Variants in STRADB observed in about 807,000 individuals in gnomAD.
The protein encoded by STRADB is STE20 related adaptor beta.
STRADB carries 34 observed loss-of-function variants against 52.1 expected under a neutral mutation model. The observed-to-expected ratio is 0.65, with a 90% confidence interval of 0.50 to 0.87. STRADB has a LOEUF of 0.87. Among genes scored for constraint, STRADB ranks in the 40% least tolerant of loss-of-function variants. The probability of loss-of-function intolerance (pLI) is 0.00; values close to 1 mark genes in which losing one functional copy is unlikely to be tolerated. For synonymous variants in STRADB, 133 were observed against 174.5 expected, an observed-to-expected ratio of 0.76 and a Z score of 1.87; for missense variants, 340 against 483.9, an observed-to-expected ratio of 0.70 and a Z score of 2.79.
rs1381533800 is a variant in STRADB, at chr2:201,451,838, A to C, written c.-196A>C. On this transcript the variant is annotated 5_prime_UTR_variant, in exon 1 of 12. Transcript: ENST00000194530. ...CGCGCCCCGCGCCGGGAGCGGGCCTAGAGCGCTCGCCTCGCCCCTCCGCGA... is the reference window on the plus strand; with the variant it reads ...CGCGCCCCGCGCCGGGAGCGGGCCTCGAGCGCTCGCCTCGCCCCTCCGCGA... The C allele has an allele frequency of 6.6e-6, 1 of 152,208 alleles. No homozygotes were observed. Among genetic ancestry groups the C allele is most frequent in the Non-Finnish European group, 1.5e-5 (1 of 68,216 alleles). 9.4% of individuals were successfully genotyped at this position (152,208 alleles called of 1,614,324 possible).
chr2:201,469,677 C>T (rs920067722), intron 3 of STRADB, among the ~76,000 whole-genome samples: 1 of 152,182 alleles, frequency 6.6e-6, no homozygotes, highest in African/African-American at 2.4e-5. Context: ...TTCTTCGCAA[C>T]TCCTAAACAT....
intron 3 of STRADB, among the ~76,000 whole-genome samples, chr2:201,459,926 C>G (rs756188532): frequency 2.6e-5 from 4 of 152,130 alleles, no homozygotes; most frequent in Non-Finnish European, 4.4e-5. Flanking sequence ...ATCTGTGAAG[C>G]CTTTCCACTT....
At position 201,473,030 on chromosome 2, in the gene STRADB, T is replaced by C; in HGVS notation, c.269T>C (p.Ile90Thr). 6.2e-7 allele frequency: 1 copy of C among 1,612,816 alleles called. No homozygotes were observed. The highest frequency in any genetic ancestry group is 1.3e-5 in the African/African-American group (1 of 74,922). ...ACAGGAACACTGGTAACTATAAAAA[T>C]TACAAATCTGGAAAACTGCAATGAA... Reference protein sequence around the residue: ...TPTGTLVTIKITNLENCNEER... With the variant: ...TPTGTLVTIKTTNLENCNEER... The change falls in exon 5 of 12, where the codon ATT becomes ACT. Residue 90 changes from isoleucine to threonine, a missense_variant. Ile to Thr is a moderately conservative substitution (Grantham distance 89). Coordinates refer to ENST00000194530, the MANE Select transcript of STRADB (RefSeq NM_018571.6).
chr2:201,461,434 G>T (rs1239346777), intron 3 of STRADB, among the ~76,000 whole-genome samples: 1 of 152,112 alleles, frequency 6.6e-6, no homozygotes, highest in Non-Finnish European at 1.5e-5. Context: ...CAGCCTCCCA[G>T]AGTATTGGGC....
At chr2:201,469,639 A>C (rs574724292) in intron 3 of STRADB, among the ~76,000 whole-genome samples, 16 of 152,296 alleles carry the variant, frequency 1.1e-4, no homozygotes, top group Admixed American at 9.8e-4. Context: ...CGCTTGGTAC[A>C]TTTGTCAGCT....
At chr2:201,479,997 T>C in intron 11 of STRADB, 35 bp from the exon 12 acceptor site, 5 of 1,608,834 alleles carry the variant, frequency 3.1e-6, no homozygotes, top group Non-Finnish European at 2.6e-6. Flanking sequence ...ATTGAAATGA[T>C]ATATCAACAG....
intron 7 of STRADB, among the ~76,000 whole-genome samples, chr2:201,477,360 G>A (rs891700013): frequency 2.6e-5 from 4 of 151,984 alleles, no homozygotes; most frequent in Admixed American, 6.6e-5. Context: ...CACCGCACCC[G>A]GCTATCAGTT....
At chr2:201,455,763 A>G (rs541397161) in intron 2 of STRADB, among the ~76,000 whole-genome samples, 6 of 152,230 alleles carry the variant, frequency 3.9e-5, no homozygotes, top group Non-Finnish European at 5.9e-5. Context: ...ATACTTTCAT[A>G]TATTTCTTTC....
intron 2 of STRADB, among the ~76,000 whole-genome samples, chr2:201,455,631 G>A (rs1354938098): frequency 6.6e-6 from 1 of 152,000 alleles, no homozygotes; most frequent in African/African-American, 2.4e-5. Context: ...CCTTGAACAA[G>A]GGATCAAGGC....
intron 10 of STRADB, 114 bp downstream of exon 10, chr2:201,478,715 C>T: frequency 8.2e-7 from 1 of 1,213,610 alleles, no homozygotes; most frequent in Non-Finnish European, 1.1e-6. Flanking sequence ...ATATTGTCTG[C>T]TCTAGAAAAT....
At chr2:201,471,512 T>A (rs1277515776) in intron 4 of STRADB, among the ~76,000 whole-genome samples, 1 of 152,202 alleles carries the variant, frequency 6.6e-6, no homozygotes, top group Admixed American at 6.5e-5. Context: ...ACATTATGTA[T>A]TTTTTTCTTT....
intron 10 of STRADB, 46 bp downstream of exon 10, chr2:201,478,647 A>AT (rs1952519645): frequency 6.3e-7 from 1 of 1,583,834 alleles, no homozygotes; most frequent in Non-Finnish European, 8.6e-7. Context: ...CATGTTTTAC[A>AT]TTTTATAGAA....
intron 3 of STRADB, among the ~76,000 whole-genome samples, chr2:201,466,340 A>G (rs547099321): frequency 1.3e-5 from 2 of 152,192 alleles, no homozygotes; most frequent in Non-Finnish European, 2.9e-5. Context: ...TTGAAATGTC[A>G]CATCTCTCTC....
At chr2:201,453,275 A>G (rs558098379) in intron 1 of STRADB, among the ~76,000 whole-genome samples, 5 of 152,344 alleles carry the variant, frequency 3.3e-5, no homozygotes, top group Admixed American at 2.6e-4. Flanking sequence ...AGACAAAATC[A>G]GTAACAACTT....
intron 2 of STRADB, among the ~76,000 whole-genome samples, chr2:201,458,336 T>C (rs1003645094): frequency 2.6e-5 from 4 of 152,234 alleles, no homozygotes; most frequent in African/African-American, 9.6e-5. Context: ...ATTTTTTCAC[T>C]CAATATGTGG....
At chr2:201,471,328 C>T (rs1433531986) in intron 4 of STRADB, among the ~76,000 whole-genome samples, 4 of 152,094 alleles carry the variant, frequency 2.6e-5, no homozygotes, top group African/African-American at 9.7e-5. Flanking sequence ...TCTGGAAAGG[C>T]AGGTTTGGAA....
intron 3 of STRADB, among the ~76,000 whole-genome samples, chr2:201,463,582 A>G (rs932614179): frequency 3.9e-5 from 6 of 152,084 alleles, no homozygotes; most frequent in Admixed American, 6.5e-5. Flanking sequence ...GGATATTGAT[A>G]TCTTGGATAC....
chr2:201,471,637 G>A (rs1158651352), intron 4 of STRADB, among the ~76,000 whole-genome samples: 1 of 152,160 alleles, frequency 6.6e-6, no homozygotes, highest in Non-Finnish European at 1.5e-5. Flanking sequence ...GCTGCTGCAG[G>A]ACCTGCTATT....
At position 201,471,405 on chromosome 2, in the gene STRADB, C is replaced by T. The variant is rs112633403; in HGVS notation, c.193+1353C>T. On this transcript the variant is annotated intron_variant, in intron 4 of 11. Transcript: ENST00000194530. The stretch of plus-strand genomic sequence containing the variant: ...TCCACAACCTACCCTCCTTATTACT[C>T]AGAGGATTTAAGGTGGAGATTTGGA... 3.3e-3 allele frequency among the ~76,000 whole-genome samples: 503 copies of T among 152,266 alleles called. 5 individuals carry two copies. The highest frequency in any genetic ancestry group is 0.011 in the African/African-American group (470 of 41,558).
Sources: allele counts gnomAD v4.1 joint callset (sites outside exome capture counted in the v4.1 genomes callset), GRCh38; gene constraint gnomAD v4.1.1; transcripts MANE v1.5; gene names NCBI Gene and HGNC (gene_info 2026-07-23, HGNC 2026-07-21).